CDH19: variants seen among roughly 807,000 people sequenced by gnomAD.
CDH19 encodes cadherin-19.
A neutral mutation model predicts 64.2 loss-of-function variants in CDH19; 67 were observed. That is an observed-to-expected ratio of 1.04 (90% confidence interval 0.86 to 1.28). The LOEUF is 1.28. Ranked by LOEUF, CDH19 falls within the 50% of genes most tolerant of loss-of-function variation. The pLI, the probability that CDH19 is intolerant of heterozygous loss-of-function variation, is 0.00. For missense variants in CDH19, 1,030 were observed against 929.0 expected, an observed-to-expected ratio of 1.11 and a Z score of -1.41; for synonymous variants, 346 against 319.3, an observed-to-expected ratio of 1.08 and a Z score of -0.89.
chr18:66,575,418 G>A (rs1988237619), intron 1 of CDH19, among the ~76,000 whole-genome samples: 1 of 151,826 alleles, frequency 6.6e-6, no homozygotes. Context: ...ATGCAAATAT[G>A]AGAAGAGCAT....
intron 1 of CDH19, among the ~76,000 whole-genome samples, chr18:66,599,520 C>T (rs903334815): frequency 3.9e-5 from 6 of 151,982 alleles, no homozygotes; most frequent in African/African-American, 1.2e-4. Flanking sequence ...GAGTATTCTA[C>T]ATTTCAAAAT....
chr18:66,592,719 A>C (rs1448644867), intron 1 of CDH19, among the ~76,000 whole-genome samples: 1 of 151,820 alleles, frequency 6.6e-6, no homozygotes, highest in Non-Finnish European at 1.5e-5. Flanking sequence ...ATAGAATTTC[A>C]TTCTTTTCTA....
chr18:66,590,767 A>G (rs1415300856), intron 1 of CDH19, among the ~76,000 whole-genome samples: 1 of 151,982 alleles, frequency 6.6e-6, no homozygotes, highest in African/African-American at 2.4e-5. Flanking sequence ...ATAAATATAA[A>G]TGAAATTTCT....
intron 7 of CDH19, among the ~76,000 whole-genome samples, chr18:66,542,297 C>T (rs1334899619): frequency 6.6e-6 from 1 of 152,036 alleles, no homozygotes; most frequent in Non-Finnish European, 1.5e-5. Flanking sequence ...TTCTTGGTAT[C>T]AAAAATTAAA....
chr18:66,517,153 G>T (rs766678784), intron 9 of CDH19, among the ~76,000 whole-genome samples: 1 of 151,990 alleles, frequency 6.6e-6, no homozygotes, highest in Non-Finnish European at 1.5e-5. Flanking sequence ...AACTGTAGTC[G>T]AGAGGAAGAA....
chr18:66,557,845 G>T (rs1437339246), intron 3 of CDH19, among the ~76,000 whole-genome samples: 1 of 151,618 alleles, frequency 6.6e-6, no homozygotes, highest in Non-Finnish European at 1.5e-5. Context: ...TTCAGTAAAT[G>T]TGTGTTTTAC....
chr18:66,597,867 G>A (rs145923456), intron 1 of CDH19, among the ~76,000 whole-genome samples: 2,662 of 152,064 alleles, frequency 0.018, 86 homozygotes, highest in South Asian at 0.1. Flanking sequence ...ACAAGAAGGG[G>A]AACATCACAC....
chr18:66,535,000 G>C lies in CDH19; in HGVS notation c.1322C>G (p.Thr441Arg). Residue 441 changes from threonine (T) to arginine (R), a missense_variant, in exon 8 of 12, where the codon ACA becomes AGA. Coordinates refer to ENST00000262150, the MANE Select transcript of CDH19 (RefSeq NM_021153.4). Reference protein sequence around the residue: ...EISAWYNLSITATEKYNIEQI... With the variant: ...EISAWYNLSIRATEKYNIEQI... ...TGAGTACTTACATTTTTCTGTGGCT[G>C]TAATACTTAGGTTGTACCAAGCACT... is the stretch of plus-strand genomic sequence containing the variant. 1 of 1,461,508 alleles carries C rather than the reference G, an allele frequency of 6.8e-7. No homozygotes were observed. Among genetic ancestry groups the C allele is most frequent in the East Asian group, 2.5e-5 (1 of 40,258 alleles). The allele number at this position is 1,461,508 out of a possible 1,614,324, so 90.5% of individuals were successfully genotyped here. A position where few individuals can be genotyped will look rare whatever the true frequency, so the allele number is the denominator to read the frequency against.
chr18:66,524,803 T>C (rs1206172350), intron 9 of CDH19, among the ~76,000 whole-genome samples: 1 of 151,950 alleles, frequency 6.6e-6, no homozygotes. Context: ...TGTGTGTCCT[T>C]CATGTTTTAT....
chr18:66,558,546 A>T (rs1987605481), intron 3 of CDH19, among the ~76,000 whole-genome samples: 1 of 152,142 alleles, frequency 6.6e-6, no homozygotes, highest in East Asian at 1.9e-4. Flanking sequence ...TAAAGAGATC[A>T]CAATAATAAT....
chr18:66,514,328 T>A (rs1283951368), intron 9 of CDH19, among the ~76,000 whole-genome samples: 3 of 151,424 alleles, frequency 2.0e-5, no homozygotes, highest in African/African-American at 7.3e-5. Flanking sequence ...ATATGTCTCA[T>A]AAAAGTTAGT....
rs762785367 is a variant in CDH19 at position 66,572,067 on chromosome 18, C to A, written c.138G>T (p.Val46=). ...RSHLRVKRGW[V]WNQFFVPEEM... ...CCTCTGGTACAAAAAATTGGTTCCA[C>A]ACCCAGCCACGCTTCACTCTCAAAT... The change falls in exon 2 of 12, where the codon GTG becomes GTT. Residue 46 remains valine (V), a synonymous_variant. Coordinates refer to ENST00000262150, the MANE Select transcript of CDH19 (RefSeq NM_021153.4). 2 of 1,611,490 alleles carry A rather than the reference C, an allele frequency of 1.2e-6. No individual in the cohort carries two copies. Among genetic ancestry groups the A allele is most frequent in the South Asian group, 2.2e-5 (2 of 90,996 alleles).
At chr18:66,536,193 T>C (rs1432998902) in intron 7 of CDH19, among the ~76,000 whole-genome samples, 1 of 151,606 alleles carries the variant, frequency 6.6e-6, no homozygotes, top group African/African-American at 2.4e-5. Flanking sequence ...TCCTGAAGAC[T>C]TTGATGAGAT....
intron 7 of CDH19, among the ~76,000 whole-genome samples, chr18:66,535,912 CATATA>C (rs1294562033): frequency 6.9e-6 from 1 of 145,228 alleles, no homozygotes; most frequent in African/African-American, 2.5e-5. Context: ...TATATTTTTA[CATATA>C]ATATATATGT....
At position 66,552,398 on chromosome 18, in the gene CDH19, A is replaced by C. The variant is rs146968004; in HGVS notation, c.611-1140T>G. Among the ~76,000 whole-genome samples the C allele has an allele frequency of 5.0e-3, 739 of 147,734 alleles. 3 individuals carry two copies. The highest frequency in any genetic ancestry group is 8.5e-3 in the Admixed American group (127 of 14,962). On this transcript the variant is annotated intron_variant, in intron 4 of 11. Transcript: ENST00000262150. Reference sequence around the variant, plus strand: ...TTAATATAATATAATTTTTTAAAGAATTGTTATATGAACTTTTAAAAGATA... The same window carrying C: ...TTAATATAATATAATTTTTTAAAGACTTGTTATATGAACTTTTAAAAGATA...
intron 1 of CDH19, among the ~76,000 whole-genome samples, chr18:66,588,641 T>TATATATATATAC (rs1485058332): frequency 1.1e-4 from 16 of 145,160 alleles, no homozygotes; most frequent in South Asian, 4.4e-4. Context: ...TATATATAGA[T>TATATATATATAC]ACAGCTCAGA....
chr18:66,565,122 T>C (rs953692092), intron 3 of CDH19, among the ~76,000 whole-genome samples: 1 of 151,946 alleles, frequency 6.6e-6, no homozygotes, highest in Non-Finnish European at 1.5e-5. Context: ...ACTTGTGGTC[T>C]AATAAATCTT....
At chr18:66,506,900 T>TA (rs760678800) in intron 11 of CDH19, among the ~76,000 whole-genome samples, 47 of 152,066 alleles carry the variant, frequency 3.1e-4, no homozygotes, top group Non-Finnish European at 5.0e-4. Flanking sequence ...CATTCATGTA[T>TA]TGCACTTTAG....
chr18:66,545,277 C>A (rs1174576267), intron 5 of CDH19, among the ~76,000 whole-genome samples: 1 of 152,018 alleles, frequency 6.6e-6, no homozygotes, highest in South Asian at 2.1e-4. Flanking sequence ...CGTGCCGGGT[C>A]GCAATTGTAG....
Sources: gnomAD v4.1 joint callset for allele counts (sites outside exome capture counted in the v4.1 genomes callset) on GRCh38, gnomAD v4.1.1 for gene constraint, MANE v1.5 for transcripts, NCBI Gene and HGNC (gene_info 2026-07-23, HGNC 2026-07-21) for gene names.